The following PTPRE variants were observed in gnomAD, a reference collection of about 807,000 sequenced individuals.
The protein encoded by PTPRE is protein tyrosine phosphatase receptor type E, also known as receptor-type tyrosine-protein phosphatase epsilon.
PTPRE carries 51 observed loss-of-function variants against 102.0 expected under a neutral mutation model. The observed-to-expected ratio is 0.50, with a 90% CI of 0.40 to 0.63. The LOEUF (loss-of-function observed/expected upper bound fraction) is 0.63, where lower values mean the gene tolerates loss of function less well. PTPRE is among the 30% of genes least tolerant of loss of function. PTPRE has a pLI of 0.00. For missense variants in PTPRE, 752 were observed against 915.1 expected, an observed-to-expected ratio of 0.82 and a Z score of 2.30; for synonymous variants, 345 against 348.2, an observed-to-expected ratio of 0.99 and a Z score of 0.10.
intron 12 of PTPRE, chr10:128,069,045 C>T (rs1323744848): frequency 6.6e-6 from 1 of 152,390 alleles, no homozygotes; most frequent in Non-Finnish European, 1.5e-5. Context: ...GCCACCTGCA[C>T]GCAGTGATGC....
chr10:127,965,898 C>A lies in PTPRE; in HGVS notation c.-30-16376C>A, dbSNP rs576880134. On this transcript the variant is annotated intron_variant, in intron 1 of 20. Coordinates refer to ENST00000254667, the MANE Select transcript of PTPRE (RefSeq NM_006504.6). The stretch of plus-strand genomic sequence containing the variant: ...CACCTGGACATGTGCATTTTCCCAT[C>A]TTCTGCCACACTGGCCCTTTGCCTG... 3.3e-5 allele frequency among the ~76,000 whole-genome samples: 5 copies of A among 152,376 alleles called. No individual in the cohort carries two copies. In the East Asian group the frequency reaches 9.6e-4, roughly 29 times the overall value.
intron 1 of PTPRE, among the ~76,000 whole-genome samples, chr10:127,911,771 A>G (rs575221526): frequency 1.3e-5 from 2 of 152,318 alleles, no homozygotes; most frequent in African/African-American, 4.8e-5. Context: ...AGAGAGAGTG[A>G]GGAGAGGCCC....
At chr10:128,067,239 C>T (rs10829322) in intron 11 of PTPRE, among the ~76,000 whole-genome samples, 86,934 of 148,262 alleles carry the variant, frequency 0.59, 25,519 homozygotes, top group South Asian at 0.71. Context: ...CATGCACACA[C>T]GCACACACAT....
chr10:128,067,890 T>G (rs1484764363), intron 11 of PTPRE, among the ~76,000 whole-genome samples: 2 of 152,176 alleles, frequency 1.3e-5, no homozygotes, highest in Non-Finnish European at 2.9e-5. Context: ...CTGCCTGACC[T>G]GGGCATAGAC....
chr10:127,959,523 G>C (rs1849647185), intron 1 of PTPRE, among the ~76,000 whole-genome samples: 1 of 152,188 alleles, frequency 6.6e-6, no homozygotes, highest in Non-Finnish European at 1.5e-5. Flanking sequence ...ATTTATGTTT[G>C]TAATAATTGT....
intron 1 of PTPRE, among the ~76,000 whole-genome samples, chr10:127,911,065 G>C (rs1440258792): frequency 6.6e-6 from 1 of 151,982 alleles, no homozygotes; most frequent in Non-Finnish European, 1.5e-5. Context: ...CTGGTTGACA[G>C]AGAAAGACCC....
intron 1 of PTPRE, among the ~76,000 whole-genome samples, chr10:127,949,230 C>T (rs375906301): frequency 2.6e-5 from 4 of 152,112 alleles, no homozygotes; most frequent in Admixed American, 1.3e-4. Flanking sequence ...CTCAGCCAAC[C>T]CTAATTAGAA....
chr10:128,067,262 A>C (rs1178603479), intron 11 of PTPRE, among the ~76,000 whole-genome samples: 1 of 151,732 alleles, frequency 6.6e-6, no homozygotes, highest in Non-Finnish European at 1.5e-5. Context: ...ATGCACATGC[A>C]TACATGTGCA....
chr10:127,954,153 CT>C (rs1044379385), intron 1 of PTPRE, among the ~76,000 whole-genome samples: 29 of 152,304 alleles, frequency 1.9e-4, no homozygotes, highest in Admixed American at 1.6e-3. Flanking sequence ...CCAGCCACCC[CT>C]GTCATGGACT....
intron 1 of PTPRE, among the ~76,000 whole-genome samples, chr10:127,923,602 C>G (rs1846781441): frequency 6.6e-6 from 1 of 152,046 alleles, no homozygotes; most frequent in South Asian, 2.1e-4. Flanking sequence ...CTGGGTTTCA[C>G]CACGTTGGTC....
At chr10:127,970,263 G>C (rs1056719735) in intron 1 of PTPRE, among the ~76,000 whole-genome samples, 5 of 152,158 alleles carry the variant, frequency 3.3e-5, no homozygotes, top group African/African-American at 9.7e-5. Context: ...GAACCCAGCT[G>C]CCACCCAAGA....
chr10:127,953,106 C>A (rs1236929193), intron 1 of PTPRE, among the ~76,000 whole-genome samples: 2 of 152,236 alleles, frequency 1.3e-5, no homozygotes, highest in South Asian at 4.1e-4. Context: ...GGGTGTGTTA[C>A]TCCAGCCCAT....
At position 127,963,588 on chromosome 10, in the gene PTPRE, T is replaced by G. The variant is rs910919357; in HGVS notation, c.-30-18686T>G. ...CAGAGCCGAGTTGAGACATCGAAAG[T>G]GGGCAGGGAAATTGTCTCCAATCCT... On this transcript the variant is annotated intron_variant, in intron 1 of 20. Transcript: ENST00000254667. 5.9e-5 allele frequency among the ~76,000 whole-genome samples: 9 copies of G among 152,132 alleles called. No homozygotes were observed. The East Asian group carries it at 1.7e-3, about 29-fold the overall frequency.
At chr10:128,030,428 A>G (rs1298427107) in intron 2 of PTPRE, among the ~76,000 whole-genome samples, 1 of 152,056 alleles carries the variant, frequency 6.6e-6, no homozygotes, top group Non-Finnish European at 1.5e-5. Context: ...GATGAGAGTT[A>G]ATGAGAAAGA....
intron 2 of PTPRE, among the ~76,000 whole-genome samples, chr10:127,992,259 G>A (rs894184651): frequency 4.6e-5 from 7 of 152,046 alleles, no homozygotes; most frequent in Admixed American, 2.6e-4. Context: ...CTCAGGTACC[G>A]AATGTCTGTG....
At chr10:127,918,224 TCA>T (rs1846342102) in intron 1 of PTPRE, among the ~76,000 whole-genome samples, 2 of 152,016 alleles carry the variant, frequency 1.3e-5, no homozygotes, top group Non-Finnish European at 2.9e-5. Context: ...TCTAAAGACC[TCA>T]GGCTGGCTTG....
At position 127,967,218 on chromosome 10, in the gene PTPRE, A is replaced by G. The variant is rs149471517; in HGVS notation, c.-30-15056A>G. Among the ~76,000 whole-genome samples the G allele has an allele frequency of 8.1e-4, 124 of 152,318 alleles. 2 individuals are homozygous for G. The highest frequency in any genetic ancestry group is 2.8e-3 in the African/African-American group (118 of 41,560). On this transcript the variant is annotated intron_variant, in intron 1 of 20. Transcript: ENST00000254667. ...AATTAATGAATTTGTTTGCTTATTC[A>G]TGTAGAGTAAAAAGCAATACCCACT...
intron 1 of PTPRE, among the ~76,000 whole-genome samples, chr10:127,937,814 A>C (rs1052073502): frequency 6.6e-6 from 1 of 152,142 alleles, no homozygotes; most frequent in African/African-American, 2.4e-5. Flanking sequence ...AGCTGAGATC[A>C]CACCACTGCC....
intron 2 of PTPRE, among the ~76,000 whole-genome samples, chr10:128,017,693 A>G (rs1422387876): frequency 6.6e-6 from 1 of 152,204 alleles, no homozygotes; most frequent in East Asian, 1.9e-4. Context: ...TCCGGTGACC[A>G]GGACCCGCCA....
Sources: gnomAD v4.1 joint callset for allele counts (sites outside exome capture counted in the v4.1 genomes callset) on GRCh38, gnomAD v4.1.1 for gene constraint, MANE v1.5 for transcripts, NCBI Gene and HGNC (gene_info 2026-07-23, HGNC 2026-07-21) for gene names.